NLRP8: variants seen among roughly 807,000 people sequenced by gnomAD.
NLRP8 encodes the protein NLR family pyrin domain containing 8, also known as NACHT, LRR and PYD domains-containing protein 8.
NLRP8 carries 86 observed loss-of-function variants against 88.7 expected under a neutral mutation model. The ratio of observed to expected loss-of-function variants is 0.97; its 90% CI spans 0.81 to 1.16. NLRP8 has a LOEUF of 1.16. NLRP8 is among the 50% of genes most tolerant of loss of function. The pLI, the probability that NLRP8 is intolerant of heterozygous loss-of-function variation, is 0.00. For synonymous variants in NLRP8, 504 were observed against 494.6 expected, an observed-to-expected ratio of 1.02 and a Z score of -0.25; for missense variants, 1,342 against 1,286.5, an observed-to-expected ratio of 1.04 and a Z score of -0.66.
At position 55,973,855 on chromosome 19, in the gene NLRP8, C is replaced by A. The variant is rs376169820; in HGVS notation, c.2705+33C>A. 71 of 1,593,520 alleles carry A rather than the reference C, an allele frequency of 4.5e-5. 1 individual carries two copies. Among genetic ancestry groups the A allele is most frequent in the Non-Finnish European group, 5.5e-5 (64 of 1,166,478 alleles). On this transcript the variant is annotated intron_variant, in intron 7 of 9. Coordinates refer to ENST00000291971, the MANE Select transcript of NLRP8 (RefSeq NM_176811.2). ...CCAGAATGTTTTCTTCTCTGAATTC[C>A]CTGGAGCAGAACAGGGTGATGAAGA... is the stretch of plus-strand genomic sequence containing the variant.
In NLRP8 at chr19:55,957,673, TTATATATATATATATATATA is replaced by T. The variant is rs10523999; in HGVS notation, c.2042+1606_2042+1625del. On this transcript the variant is annotated intron_variant, in intron 3 of 9. Transcript: ENST00000291971. Reference sequence around the variant, plus strand: ...TATCTTAAAAAAGAAAAAATAATAATTATATATATATATATATATATATATATATATATATATATATATAT... The same window carrying T: ...TATCTTAAAAAAGAAAAAATAATAATTATATATATATATATATATATATAT... Among the ~76,000 whole-genome samples the T allele has an allele frequency of 1.5e-3, 48 of 31,202 alleles. 1 individual carries two copies. Among genetic ancestry groups the T allele is most frequent in the South Asian group, 6.8e-3 (4 of 584 alleles). The allele number at this position is 31,202 out of a possible 152,430, so 20.5% of individuals were successfully genotyped here.
intron 9 of NLRP8, among the ~76,000 whole-genome samples, chr19:55,984,830 C>G (rs118112629): frequency 0.019 from 2,933 of 151,952 alleles, 86 homozygotes; most frequent in East Asian, 0.054. Context: ...GAGTGAGACC[C>G]TATCTCAAAA....
chr19:55,951,671 C>T (rs779959953), intron 1 of NLRP8, among the ~76,000 whole-genome samples: 19 of 152,212 alleles, frequency 1.2e-4, no homozygotes, highest in African/African-American at 3.4e-4. Flanking sequence ...CACATCCTCC[C>T]ACAGACTTAA....
rs1374478693 is a variant in NLRP8, at chr19:55,979,444, T to C, written c.2927T>C (p.Met976Thr). The C allele has an allele frequency of 3.7e-6, 6 of 1,614,090 alleles. No individual in the cohort carries two copies. The highest frequency in any genetic ancestry group is 1.1e-5 in the South Asian group (1 of 91,084). ...ATCTGCTGCCAGGCCATGGCTTCCA[T>C]GCTCCGCAAAAACCAACATCTGAGA... Residue 976 changes from methionine to threonine, a missense_variant, in exon 9 of 10, where the codon ATG becomes ACG. Coordinates refer to ENST00000291971, the MANE Select transcript of NLRP8 (RefSeq NM_176811.2).
At chr19:55,970,264 C>A (rs1164526580) in intron 5 of NLRP8, among the ~76,000 whole-genome samples, 1 of 152,050 alleles carries the variant, frequency 6.6e-6, no homozygotes, top group Non-Finnish European at 1.5e-5. Flanking sequence ...TTCCAACTAA[C>A]TTTTTTTAAA....
Position 55,988,220 on chromosome 19 carries a change from C to A in NLRP8, c.*307C>A. On this transcript the variant is annotated 3_prime_UTR_variant, in exon 10 of 10. Transcript: ENST00000291971. ...CAGCCTGGCCAACATGGTGAAACCC[C>A]GCCTCTACTAAAAAAAAAAATACAA... The A allele has an allele frequency of 6.0e-6, 1 of 165,418 alleles. No homozygotes were observed. Among genetic ancestry groups the A allele is most frequent in the Non-Finnish European group, 1.3e-5 (1 of 78,886 alleles). 10.2% of individuals were successfully genotyped at this position (165,418 alleles called of 1,614,324 possible).
intron 9 of NLRP8, among the ~76,000 whole-genome samples, chr19:55,985,911 G>T (rs998289945): frequency 6.6e-6 from 1 of 152,124 alleles, no homozygotes; most frequent in Non-Finnish European, 1.5e-5. Flanking sequence ...AGCTTCTCAG[G>T]AGGCTGAGGC....
intron 3 of NLRP8, among the ~76,000 whole-genome samples, chr19:55,959,131 G>A (rs955966695): frequency 2.6e-5 from 4 of 151,722 alleles, no homozygotes; most frequent in Non-Finnish European, 5.9e-5. Context: ...GCCTGCCTCG[G>A]CCTCCCAAAG....
At chr19:55,961,991 A>ACC (rs1979631346) in intron 3 of NLRP8, 76 bp from the exon 4 acceptor site, 1 of 1,484,764 alleles carries the variant, frequency 6.7e-7, no homozygotes, top group Non-Finnish European at 9.2e-7. Context: ...GATAGGGAAC[A>ACC]CCAGCCCTGG....
rs1979702906 is a variant in NLRP8, at chr19:55,963,451, C to T, written c.2213+1214C>T. Among the ~76,000 whole-genome samples the T allele has an allele frequency of 2.0e-5, 3 of 152,256 alleles. No homozygotes were observed. In the South Asian group the frequency reaches 6.2e-4, roughly 31 times the overall value. ...CCCAACACTCTGTGCTTCTCTAACACACCACTGTTAGCAGGTGCCTGCGTG... is the reference window on the plus strand; with the variant it reads ...CCCAACACTCTGTGCTTCTCTAACATACCACTGTTAGCAGGTGCCTGCGTG... On this transcript the variant is annotated intron_variant, in intron 4 of 9. Coordinates refer to ENST00000291971, the MANE Select transcript of NLRP8 (RefSeq NM_176811.2).
intron 9 of NLRP8, among the ~76,000 whole-genome samples, chr19:55,982,676 C>T (rs1365768835): frequency 6.6e-6 from 1 of 152,208 alleles, no homozygotes; most frequent in Non-Finnish European, 1.5e-5. Context: ...AGGCCAGTGG[C>T]TTGCACCTGT....
chr19:55,955,239 G>T lies in NLRP8; in HGVS notation c.1181G>T (p.Arg394Leu), dbSNP rs534456601. Residue 394 changes from arginine to leucine, a missense_variant, in exon 3 of 10, where the codon CGG (arginine) becomes CTG (leucine). Coordinates refer to ENST00000291971, the MANE Select transcript of NLRP8 (RefSeq NM_176811.2). ...AACACCATTCTCTTCTCCATGTGCC[G>T]GGTCCCTGTGGTTTGCTGGATGGTC... The T allele has an allele frequency of 7.4e-6, 12 of 1,614,146 alleles. No individual in the cohort carries two copies. In the African/African-American group the frequency reaches 1.3e-4, roughly 18 times the overall value.
rs1170485318 is a variant in NLRP8, at chr19:55,976,251, A to G, written c.2824A>G (p.Ile942Val). Residue 942 changes from isoleucine to valine, a missense_variant, in exon 8 of 10, where the codon ATC becomes GTC. Ile to Val is a conservative substitution (Grantham distance 29, BLOSUM62 3). Coordinates refer to ENST00000291971, the MANE Select transcript of NLRP8 (RefSeq NM_176811.2). ...TAATAGCCTGAAGGATGATGGGGTG[A>G]TCCTGCTGTGTGAGGCCCTGAAGAA... is the stretch of plus-strand genomic sequence containing the variant. 1 of 1,613,678 alleles carries G rather than the reference A, an allele frequency of 6.2e-7. No homozygotes were observed.
chr19:55,974,514 C>A (rs1280964770), intron 7 of NLRP8, among the ~76,000 whole-genome samples: 1 of 151,836 alleles, frequency 6.6e-6, no homozygotes, highest in Non-Finnish European at 1.5e-5. Flanking sequence ...TTTGGGAGTC[C>A]GAGGCGGGAG....
chr19:55,954,413 C>T (rs1979234530), intron 2 of NLRP8, 88 bp from the exon 3 acceptor site: 1 of 1,313,482 alleles, frequency 7.6e-7, no homozygotes, highest in Non-Finnish European at 1.1e-6. Context: ...TTCACGTAGA[C>T]ATCGAGACTG....
rs1216767062 is a variant in NLRP8 at position 55,970,587 on chromosome 19, G to C, written c.2425G>C (p.Gly809Arg). The C allele has an allele frequency of 1.2e-6, 2 of 1,614,054 alleles. No homozygotes were observed. The highest frequency in any genetic ancestry group is 1.6e-4 in the Middle Eastern group (1 of 6,062). Residue 809 changes from glycine (G) to arginine (R), a missense_variant, in exon 6 of 10, where the codon GGC (glycine) becomes CGC (arginine). Physicochemically the swap from Gly to Arg is moderately radical, Grantham distance 125. Coordinates refer to ENST00000291971, the MANE Select transcript of NLRP8 (RefSeq NM_176811.2). ...CACCCCTAGAATTTGGACTGATCTTGGCAATAATCTTCAAGGTAACGGGCA... is the reference window on the plus strand; with the variant it reads ...CACCCCTAGAATTTGGACTGATCTTCGCAATAATCTTCAAGGTAACGGGCA...
chr19:55,980,015 T>C (rs1980506693), intron 9 of NLRP8, among the ~76,000 whole-genome samples: 1 of 152,208 alleles, frequency 6.6e-6, no homozygotes, highest in Non-Finnish European at 1.5e-5. Context: ...TTTCCCTTAA[T>C]GTAGCTGTTC....
At chr19:55,960,660 T>A (rs1266251829) in intron 3 of NLRP8, among the ~76,000 whole-genome samples, 1 of 152,188 alleles carries the variant, frequency 6.6e-6, no homozygotes, top group Non-Finnish European at 1.5e-5. Flanking sequence ...TCCTACTTAT[T>A]TGCATTTCTA....
Position 55,980,360 on chromosome 19 carries a change from G to T in NLRP8, c.3047+796G>T, listed in dbSNP as rs796143249. ...GGTGAAAGATACAATTTTTCCTGGT[G>T]TATGAGTTGTCTATTGCTATGCAGT... On this transcript the variant is annotated intron_variant, in intron 9 of 9. Transcript: ENST00000291971. 3.3e-5 allele frequency among the ~76,000 whole-genome samples: 5 copies of T among 152,300 alleles called. 1 individual carries two copies. The highest frequency in any genetic ancestry group is 1.2e-4 in the African/African-American group (5 of 41,572).
Sources: gnomAD v4.1 joint callset for allele counts (sites outside exome capture counted in the v4.1 genomes callset) on GRCh38, gnomAD v4.1.1 for gene constraint, MANE v1.5 for transcripts, NCBI Gene and HGNC (gene_info 2026-07-23, HGNC 2026-07-21) for gene names.